COMMD10: variants seen among roughly 807,000 people sequenced by gnomAD.
COMMD10 encodes the protein COMM domain-containing protein 10.
Under a neutral mutation model 28.9 loss-of-function variants are expected in COMMD10, and 33 were observed. The ratio of observed to expected loss-of-function variants is 1.14; its 90% confidence interval spans 0.87 to 1.53. COMMD10 has a LOEUF of 1.53. COMMD10 is among the 40% of genes most tolerant of loss of function. The pLI is 0.00. For missense variants in COMMD10, 310 were observed against 233.4 expected, an observed-to-expected ratio of 1.33 and a Z score of -2.14; for synonymous variants, 110 against 81.7, an observed-to-expected ratio of 1.35 and a Z score of -1.87.
chr5:116,090,945 A>C (rs1235924563), intron 2 of COMMD10, 134 bp from the exon 3 acceptor site: 9 of 552,612 alleles, frequency 1.6e-5, no homozygotes, highest in Non-Finnish European at 2.9e-5. Context: ...ATTTACATGC[A>C]CATCAGTTTC....
At chr5:116,287,614 T>A (rs1165725088) in intron 5 of COMMD10, among the ~76,000 whole-genome samples, 1 of 151,776 alleles carries the variant, frequency 6.6e-6, no homozygotes, top group African/African-American at 2.4e-5. Flanking sequence ...TGCCGTTTTG[T>A]TAGTTGCTGT....
rs557631071 is a variant in COMMD10, at chr5:116,190,921, C to A, written c.510+56743C>A. Among the ~76,000 whole-genome samples, 724 of 152,220 alleles carry A rather than the reference C, an allele frequency of 4.8e-3. 5 individuals carry two copies. The highest frequency in any genetic ancestry group is 0.015 in the African/African-American group (614 of 41,528). On this transcript the variant is annotated intron_variant, in intron 5 of 6. Transcript: ENST00000274458. ...ATGTAAAATATGTATTTTTAAAAGT[C>A]AAATTAAACATATTACCAAATTTGC...
At chr5:116,190,012 G>C (rs930179040) in intron 5 of COMMD10, among the ~76,000 whole-genome samples, 1 of 152,176 alleles carries the variant, frequency 6.6e-6, no homozygotes, top group African/African-American at 2.4e-5. Context: ...CAGAGGTGAT[G>C]TATGTGACCT....
At chr5:116,200,357 C>T (rs1447415744) in intron 5 of COMMD10, among the ~76,000 whole-genome samples, 1 of 151,946 alleles carries the variant, frequency 6.6e-6, no homozygotes, top group African/African-American at 2.4e-5. Context: ...CAGGATTTGT[C>T]TTTATCTTCG....
chr5:116,104,747 G>T (rs775437906), intron 4 of COMMD10, among the ~76,000 whole-genome samples: 2 of 151,920 alleles, frequency 1.3e-5, no homozygotes, highest in Non-Finnish European at 2.9e-5. Flanking sequence ...AGCCTCCCTA[G>T]TAGCTGGGAC....
intron 5 of COMMD10, among the ~76,000 whole-genome samples, chr5:116,237,117 C>T (rs1253197821): frequency 6.6e-6 from 1 of 151,954 alleles, no homozygotes; most frequent in Non-Finnish European, 1.5e-5. Context: ...AAGAATGTTA[C>T]GGGCAGAGGA....
At chr5:116,277,400 T>TA (rs1750947957) in intron 5 of COMMD10, among the ~76,000 whole-genome samples, 1 of 151,940 alleles carries the variant, frequency 6.6e-6, no homozygotes. Context: ...CTCCAGTTTT[T>TA]ATCAGTCATA....
At chr5:116,123,463 C>T (rs1023577702) in intron 4 of COMMD10, among the ~76,000 whole-genome samples, 18 of 152,096 alleles carry the variant, frequency 1.2e-4, no homozygotes, top group Admixed American at 2.6e-4. Flanking sequence ...CTGCTGGATT[C>T]GGTTTGCCAG....
At chr5:116,202,812 A>C (rs1748704732) in intron 5 of COMMD10, among the ~76,000 whole-genome samples, 1 of 151,672 alleles carries the variant, frequency 6.6e-6, no homozygotes, top group Admixed American at 6.6e-5. Flanking sequence ...GTAGGTTGCG[A>C]AAATTTTCTC....
chr5:116,270,780 C>G (rs1486765843), intron 5 of COMMD10, among the ~76,000 whole-genome samples: 1 of 151,440 alleles, frequency 6.6e-6, no homozygotes, highest in African/African-American at 2.4e-5. Flanking sequence ...CTACTGAATA[C>G]AGAAGAATTA....
chr5:116,091,067 T>C lies in COMMD10; in HGVS notation c.133-12T>C, dbSNP rs367703301. 171 of 1,530,488 alleles carry C rather than the reference T, an allele frequency of 1.1e-4. 1 individual carries two copies. Among genetic ancestry groups the C allele is most frequent in the Non-Finnish European group, 2.1e-5 (23 of 1,115,216 alleles). The allele number at this position is 1,530,488 out of a possible 1,614,324, so 94.8% of individuals were successfully genotyped here. On this transcript the variant is annotated splice_polypyrimidine_tract_variant and intron_variant, in intron 2 of 6. Transcript: ENST00000274458. ...TATGTGCTAATATAATAGATTGCTA[T>C]TTGTATTATAGGCTGAGAGCAGTTT...
chr5:116,201,005 C>T (rs1748651256), intron 5 of COMMD10, among the ~76,000 whole-genome samples: 1 of 152,088 alleles, frequency 6.6e-6, no homozygotes, highest in South Asian at 2.1e-4. Context: ...TAAGCCTGTG[C>T]CTCTTGACTG....
At chr5:116,192,397 C>T (rs1324257561) in intron 5 of COMMD10, among the ~76,000 whole-genome samples, 3 of 151,446 alleles carry the variant, frequency 2.0e-5, no homozygotes, top group African/African-American at 7.3e-5. Context: ...AGGTGAAGCC[C>T]AATGCAAGGA....
At chr5:116,182,342 A>G (rs893431669) in intron 5 of COMMD10, among the ~76,000 whole-genome samples, 1 of 151,880 alleles carries the variant, frequency 6.6e-6, no homozygotes. Context: ...GAAATTAAGA[A>G]CAATAGGTTT....
intron 5 of COMMD10, among the ~76,000 whole-genome samples, chr5:116,255,119 A>G (rs1030078106): frequency 3.3e-5 from 5 of 151,264 alleles, no homozygotes; most frequent in African/African-American, 9.8e-5. Flanking sequence ...TAGGATTGCA[A>G]CCCCTGCCTT....
At chr5:116,193,613 G>A (rs1055274108) in intron 5 of COMMD10, among the ~76,000 whole-genome samples, 1 of 152,114 alleles carries the variant, frequency 6.6e-6, no homozygotes, top group Non-Finnish European at 1.5e-5. Flanking sequence ...TTGTCCAACA[G>A]GAAAATGTCA....
chr5:116,123,950 T>C (rs1751528574), intron 4 of COMMD10, among the ~76,000 whole-genome samples: 1 of 152,166 alleles, frequency 6.6e-6, no homozygotes, highest in African/African-American at 2.4e-5. Flanking sequence ...TATTTGATTC[T>C]TCTCGCTTTT....
intron 4 of COMMD10, among the ~76,000 whole-genome samples, chr5:116,117,912 T>G (rs1751294827): frequency 6.6e-6 from 1 of 152,228 alleles, no homozygotes; most frequent in Non-Finnish European, 1.5e-5. Flanking sequence ...AAGTGATTTT[T>G]TAAAAATGTG....
At chr5:116,106,431 G>A (rs1018791987) in intron 4 of COMMD10, among the ~76,000 whole-genome samples, 7 of 152,128 alleles carry the variant, frequency 4.6e-5, no homozygotes, top group South Asian at 2.1e-4. Context: ...GAATAAGTGC[G>A]TTATGGTGCT....
Sources: allele counts gnomAD v4.1 joint callset (sites outside exome capture counted in the v4.1 genomes callset), GRCh38; gene constraint gnomAD v4.1.1; transcripts MANE v1.5; gene names NCBI Gene and HGNC (gene_info 2026-07-23, HGNC 2026-07-21).